Variants in DACH2 observed in about 807,000 individuals in gnomAD.
The protein encoded by DACH2 is dachshund family transcription factor 2.
In DACH2, 17 loss-of-function variants were observed where a neutral mutation model predicts 35.8. The ratio of observed to expected loss-of-function variants is 0.48; its 90% CI spans 0.33 to 0.71. The LOEUF is 0.71. Among genes scored for constraint, DACH2 ranks in the 30% least tolerant of loss-of-function variants. The pLI is 0.02. For missense variants in DACH2, 469 were observed against 472.7 expected, an observed-to-expected ratio of 0.99 and a Z score of 0.07; for synonymous variants, 195 against 177.3, an observed-to-expected ratio of 1.10 and a Z score of -0.79.
intron 1 of DACH2, among the ~76,000 whole-genome samples, chrX:86,271,101 C>CA (rs1321433742): frequency 9.0e-6 from 1 of 110,945 alleles, no homozygotes; most frequent in Non-Finnish European, 1.9e-5. Context: ...TGAAGATGTA[C>CA]AAAAAATTAG....
rs1474218566 is a variant in DACH2 at position 86,739,865 on chromosome X, A to G, written c.1223A>G (p.His408Arg). 1 of 1,197,917 alleles carries G rather than the reference A, an allele frequency of 8.3e-7. No homozygotes were observed. Among genetic ancestry groups the G allele is most frequent in the Non-Finnish European group, 1.1e-6 (1 of 890,224 alleles). The stretch of plus-strand genomic sequence containing the variant: ...TCCAGCTCTCCCTCTCAGATGGATC[A>G]TCATTTGGAAAGAATGGGTGAGTAA... ...SVSSSPSQMD[H>R]HLERMEEVPV... is the part of the protein sequence containing the mutation. The change falls in exon 7 of 12, where the codon CAT (histidine) becomes CGT (arginine). Residue 408 changes from histidine (H) to arginine (R), a missense_variant. His to Arg is a conservative substitution (Grantham distance 29). This residue lies in a region of DACH2 where 363 missense variants were observed against 334.4 expected (regional missense o/e 1.09). Transcript: ENST00000373125.
At chrX:86,411,613 C>T (rs992224682) in intron 2 of DACH2, among the ~76,000 whole-genome samples, 1 of 111,553 alleles carries the variant, frequency 9.0e-6, no homozygotes, top group Non-Finnish European at 1.9e-5. Context: ...TACTTAAATG[C>T]TGATATGAAG....
intron 1 of DACH2, among the ~76,000 whole-genome samples, chrX:86,319,731 G>A (rs183737548): frequency 1.3e-3 from 142 of 111,914 alleles, no homozygotes; most frequent in Non-Finnish European, 1.7e-3. Flanking sequence ...TTAAAGTTCC[G>A]TGAACTGAAA....
chrX:86,593,290 T>G (rs1419084133), intron 3 of DACH2, among the ~76,000 whole-genome samples: 1 of 110,472 alleles, frequency 9.1e-6, no homozygotes, highest in Non-Finnish European at 1.9e-5. Flanking sequence ...ATTTTTATTC[T>G]TTATTCTCTT....
chrX:86,424,648 T>G (rs2148162324), intron 2 of DACH2, among the ~76,000 whole-genome samples: 1 of 111,623 alleles, frequency 9.0e-6, no homozygotes, highest in Non-Finnish European at 1.9e-5. Context: ...AACTTCTTCC[T>G]TTTCAATTTT....
At chrX:86,388,177 G>T (rs1296889626) in intron 2 of DACH2, among the ~76,000 whole-genome samples, 1 of 112,144 alleles carries the variant, frequency 8.9e-6, no homozygotes, top group Non-Finnish European at 1.9e-5. Flanking sequence ...GAGCCCTAGA[G>T]TGTTGAGGCT....
At chrX:86,152,367 G>T (rs1235841590) in intron 1 of DACH2, among the ~76,000 whole-genome samples, 1 of 110,841 alleles carries the variant, frequency 9.0e-6, no homozygotes, top group African/African-American at 3.3e-5. Flanking sequence ...TTAAGGTATT[G>T]CCACTAAGTG....
intron 7 of DACH2, among the ~76,000 whole-genome samples, chrX:86,745,730 A>G (rs1244914070): frequency 1.8e-5 from 2 of 111,467 alleles, no homozygotes. Context: ...AGAATGGTTT[A>G]TATTCCTTTG....
chrX:86,420,377 A>T (rs1210215506), intron 2 of DACH2, among the ~76,000 whole-genome samples: 3 of 112,074 alleles, frequency 2.7e-5, no homozygotes, highest in African/African-American at 9.7e-5. Flanking sequence ...ACTGTTAATA[A>T]ATTTTTGTGA....
chrX:86,408,826 C>T (rs1348641852), intron 2 of DACH2, among the ~76,000 whole-genome samples: 6 of 111,707 alleles, frequency 5.4e-5, no homozygotes, highest in Non-Finnish European at 1.1e-4. Context: ...TTTCAGAGTA[C>T]AGGTATCAAT....
At chrX:86,548,388 T>C (rs960718682) in intron 3 of DACH2, among the ~76,000 whole-genome samples, 8 of 112,212 alleles carry the variant, frequency 7.1e-5, no homozygotes, top group Non-Finnish European at 1.5e-4. Flanking sequence ...TACTAAATTT[T>C]TCTTAATAGA....
chrX:86,665,721 T>C (rs2040659982), intron 4 of DACH2, among the ~76,000 whole-genome samples: 1 of 111,422 alleles, frequency 9.0e-6, no homozygotes, highest in South Asian at 3.7e-4. Flanking sequence ...CAGATAGATT[T>C]CAGGAAGTTA....
chrX:86,604,945 A>T (rs187464820), intron 3 of DACH2, among the ~76,000 whole-genome samples: 108 of 111,941 alleles, frequency 9.6e-4, no homozygotes, highest in African/African-American at 3.4e-3. Context: ...TCACTGGCTC[A>T]CAACCAGACA....
chrX:86,823,714 G>C (rs1293523455), intron 11 of DACH2, among the ~76,000 whole-genome samples: 1 of 111,873 alleles, frequency 8.9e-6, no homozygotes, highest in African/African-American at 3.3e-5. Context: ...AGAGTACAAA[G>C]AGAGTAATTT....
intron 1 of DACH2, among the ~76,000 whole-genome samples, chrX:86,293,953 G>T (rs74625640): frequency 9.0e-6 from 1 of 111,285 alleles, no homozygotes; most frequent in Non-Finnish European, 1.9e-5. Flanking sequence ...TGTATTTCCT[G>T]AATCTGAATG....
rs770912568 is a variant in DACH2 at position 86,153,561 on chromosome X, A to G, written c.488+4453A>G. On this transcript the variant is annotated intron_variant, in intron 1 of 11. Coordinates refer to ENST00000373125, the MANE Select transcript of DACH2 (RefSeq NM_053281.3). Reference sequence around the variant, plus strand: ...TTGCAGAACTTGAATCACTTTCCTGAGTTAATATTTTGTATGGCTTACATT... The same window carrying G: ...TTGCAGAACTTGAATCACTTTCCTGGGTTAATATTTTGTATGGCTTACATT... 7.2e-5 allele frequency among the ~76,000 whole-genome samples: 8 copies of G among 111,315 alleles called. No homozygotes were observed. In the East Asian group the frequency reaches 2.2e-3, roughly 31 times the overall value.
chrX:86,725,397 C>A (rs1321783181), intron 6 of DACH2, among the ~76,000 whole-genome samples: 1 of 111,562 alleles, frequency 9.0e-6, no homozygotes, highest in East Asian at 2.8e-4. Flanking sequence ...GTAGTGTAAT[C>A]TATACATTTT....
chrX:86,435,625 A>G (rs2148176669), intron 2 of DACH2, among the ~76,000 whole-genome samples: 1 of 112,184 alleles, frequency 8.9e-6, no homozygotes, highest in East Asian at 2.8e-4. Flanking sequence ...CAATTTTGGA[A>G]AAATTTTTGA....
intron 1 of DACH2, among the ~76,000 whole-genome samples, chrX:86,192,473 A>T (rs1366511640): frequency 2.7e-5 from 3 of 112,095 alleles, no homozygotes; most frequent in African/African-American, 9.7e-5. Flanking sequence ...GTGTATGTGT[A>T]TGTGTATGTG....
Sources: gnomAD v4.1 joint callset for allele counts (sites outside exome capture counted in the v4.1 genomes callset) on GRCh38, gnomAD v4.1.1 for gene constraint, gnomAD v4.1.1 regional missense constraint, MANE v1.5 for transcripts, NCBI Gene and HGNC (gene_info 2026-07-23, HGNC 2026-07-21) for gene names.